Variants in SPOCK3 observed in about 807,000 individuals in gnomAD.
The protein encoded by SPOCK3 is testican-3.
A neutral mutation model predicts 56.6 loss-of-function variants in SPOCK3; 30 were observed. That is an observed-to-expected ratio of 0.53 (90% CI 0.40 to 0.72). SPOCK3 has a LOEUF of 0.72. SPOCK3 is among the 30% of genes least tolerant of loss of function. SPOCK3 has a pLI of 0.00. For synonymous variants in SPOCK3, 196 were observed against 183.3 expected (o/e 1.07, Z -0.56); for missense variants, 527 against 530.0 (o/e 0.99, Z 0.06).
chr4:166,827,912 C>T (rs983727441), intron 6 of SPOCK3, among the ~76,000 whole-genome samples: 2 of 151,498 alleles, frequency 1.3e-5, no homozygotes, highest in African/African-American at 4.8e-5. Flanking sequence ...CTAAATATGC[C>T]TCATATATTA....
At chr4:167,024,120 T>C (rs1751463988) in intron 3 of SPOCK3, among the ~76,000 whole-genome samples, 1 of 151,938 alleles carries the variant, frequency 6.6e-6, no homozygotes, top group Non-Finnish European at 1.5e-5. Context: ...CTAGGAGTGG[T>C]GACAATTTTC....
chr4:167,104,422 T>C (rs1441424128), intron 2 of SPOCK3, among the ~76,000 whole-genome samples: 1 of 151,570 alleles, frequency 6.6e-6, no homozygotes, highest in Non-Finnish European at 1.5e-5. Flanking sequence ...AACTCTGGAG[T>C]TGAAAAAATG....
chr4:166,820,186 G>A (rs1334129023), intron 6 of SPOCK3, among the ~76,000 whole-genome samples: 2 of 151,954 alleles, frequency 1.3e-5, no homozygotes, highest in Non-Finnish European at 2.9e-5. Flanking sequence ...TATTTTGACA[G>A]TTATTTATAA....
intron 4 of SPOCK3, among the ~76,000 whole-genome samples, chr4:166,922,743 C>A (rs368800764): frequency 6.6e-6 from 1 of 152,122 alleles, no homozygotes; most frequent in East Asian, 1.9e-4. Flanking sequence ...CTTACAAGCA[C>A]GCAGGAAGCA....
intron 4 of SPOCK3, among the ~76,000 whole-genome samples, chr4:166,965,075 C>G (rs560318814): frequency 6.6e-6 from 1 of 151,840 alleles, no homozygotes; most frequent in Non-Finnish European, 1.5e-5. Flanking sequence ...TTTTAGTGGA[C>G]TAATGACTGT....
At chr4:167,098,411 T>C (rs989336655) in intron 2 of SPOCK3, among the ~76,000 whole-genome samples, 2 of 152,058 alleles carry the variant, frequency 1.3e-5, no homozygotes, top group Non-Finnish European at 2.9e-5. Flanking sequence ...TCCTAGAACT[T>C]TGTGACTCAG....
intron 3 of SPOCK3, among the ~76,000 whole-genome samples, chr4:167,051,485 G>A (rs10000380): frequency 1 from 152,224 of 152,330 alleles, 76,059 homozygotes; most frequent in Non-Finnish European, 1. Flanking sequence ...ATAAACAATC[G>A]TGCTATTTCA....
At chr4:167,101,993 T>C (rs1168977465) in intron 2 of SPOCK3, among the ~76,000 whole-genome samples, 2 of 151,952 alleles carry the variant, frequency 1.3e-5, no homozygotes, top group Non-Finnish European at 2.9e-5. Context: ...CCACTGCACC[T>C]GGCCCTCTTA....
chr4:167,174,445 A>C (rs1461200304), intron 2 of SPOCK3, among the ~76,000 whole-genome samples: 2 of 151,864 alleles, frequency 1.3e-5, no homozygotes, highest in African/African-American at 4.8e-5. Context: ...TGAAAAAAAA[A>C]AAATTACTCC....
chr4:166,907,137 T>C (rs1273824474), intron 5 of SPOCK3, among the ~76,000 whole-genome samples: 1 of 152,094 alleles, frequency 6.6e-6, no homozygotes, highest in Non-Finnish European at 1.5e-5. Flanking sequence ...GGTTCCCATA[T>C]TGCAAGATCA....
At chr4:166,860,172 G>A (rs780481853) in intron 6 of SPOCK3, among the ~76,000 whole-genome samples, 35 of 152,128 alleles carry the variant, frequency 2.3e-4, no homozygotes, top group Admixed American at 4.6e-4. Flanking sequence ...TCTATTGACA[G>A]TGAATTTTTA....
chr4:166,959,492 A>G (rs1010457252), intron 4 of SPOCK3, among the ~76,000 whole-genome samples: 1 of 152,078 alleles, frequency 6.6e-6, no homozygotes, highest in African/African-American at 2.4e-5. Context: ...ACACACCTGT[A>G]TTCTCAGCTA....
chr4:167,232,359 AAAAC>A (rs1232758414), intron 2 of SPOCK3, among the ~76,000 whole-genome samples: 5 of 145,688 alleles, frequency 3.4e-5, no homozygotes, highest in East Asian at 2.0e-4. Flanking sequence ...AAAAAAAAAA[AAAAC>A]CCAAAACAAA....
intron 7 of SPOCK3, among the ~76,000 whole-genome samples, chr4:166,755,977 G>C (rs13102037): frequency 1.2e-4 from 1 of 8,084 alleles, no homozygotes; most frequent in African/African-American, 4.7e-4. Flanking sequence ...CTGAGGTACC[G>C]GGTTCATCTC....
chr4:166,906,585 A>G (rs1384874654), intron 5 of SPOCK3, among the ~76,000 whole-genome samples: 1 of 151,870 alleles, frequency 6.6e-6, no homozygotes, highest in Non-Finnish European at 1.5e-5. Context: ...TAGAAGACAC[A>G]GAAGATTGTT....
chr4:167,222,443 C>G (rs759020864), intron 2 of SPOCK3, among the ~76,000 whole-genome samples: 6 of 146,090 alleles, frequency 4.1e-5, no homozygotes, highest in Non-Finnish European at 9.1e-5. Context: ...TTATGTCGTG[C>G]TTTTTACAAT....
intron 4 of SPOCK3, among the ~76,000 whole-genome samples, chr4:166,925,056 T>C (rs907033893): frequency 6.6e-6 from 1 of 152,152 alleles, no homozygotes; most frequent in African/African-American, 2.4e-5. Context: ...AGTGGATATA[T>C]AGAGAGATAA....
At chr4:167,075,959 G>A (rs28496936) in intron 2 of SPOCK3, among the ~76,000 whole-genome samples, 2,260 of 152,026 alleles carry the variant, frequency 0.015, 63 homozygotes, top group African/African-American at 0.052. Context: ...ATGAATCACA[G>A]CACTAACGAG....
chr4:167,112,051 C>G (rs998375959), intron 2 of SPOCK3, among the ~76,000 whole-genome samples: 2 of 152,076 alleles, frequency 1.3e-5, no homozygotes, highest in Non-Finnish European at 2.9e-5. Context: ...TGAGCCAACA[C>G]CCCCAGCCTC....
Sources: allele counts gnomAD v4.1 joint callset (sites outside exome capture counted in the v4.1 genomes callset), GRCh38; gene constraint gnomAD v4.1.1; transcripts MANE v1.5; gene names NCBI Gene and HGNC (gene_info 2026-07-23, HGNC 2026-07-21).